CXADR: variants seen among roughly 807,000 people sequenced by gnomAD.
CXADR encodes CXADR cell adhesion molecule.
Under a neutral mutation model 40.3 loss-of-function variants are expected in CXADR, and 20 were observed. The observed-to-expected ratio is 0.50, with a 90% confidence interval of 0.35 to 0.72. The LOEUF (loss-of-function observed/expected upper bound fraction) is 0.72, where lower values mean the gene tolerates loss of function less well. Among genes scored for constraint, CXADR ranks in the 30% least tolerant of loss-of-function variants. The pLI is 0.01. For synonymous variants in CXADR, 150 were observed against 161.3 expected, an observed-to-expected ratio of 0.93 and a Z score of 0.53; for missense variants, 332 against 449.1, an observed-to-expected ratio of 0.74 and a Z score of 2.36.
intron 1 of CXADR, among the ~76,000 whole-genome samples, chr21:17,546,537 A>C (rs546397675): frequency 7.2e-5 from 11 of 152,278 alleles, no homozygotes; most frequent in Admixed American, 5.9e-4. Context: ...GGTGCTGCAC[A>C]CTTTTAAACA....
In CXADR at chr21:17,567,500, G is replaced by C; in HGVS notation, c.*1808G>C. 1 of 985,340 alleles carries C rather than the reference G, an allele frequency of 1.0e-6. No individual in the cohort carries two copies. The highest frequency in any genetic ancestry group is 1.2e-6 in the Non-Finnish European group (1 of 829,914). The allele number at this position is 985,340 out of a possible 1,614,324, so 61.0% of individuals were successfully genotyped here. On this transcript the variant is annotated 3_prime_UTR_variant, in exon 7 of 7. Transcript: ENST00000284878. ...AAAGGTGCTTAGAGGTGAAGGTACT[G>C]TTTCTAAAAACACATCACTGTGATA...
At chr21:17,513,260 G>T in intron 1 of CXADR, 88 bp downstream of exon 1, 1 of 1,246,872 alleles carries the variant, frequency 8.0e-7, no homozygotes, top group Non-Finnish European at 1.0e-6. Context: ...GGGCGTGGGG[G>T]AGGGGGCGGG....
At chr21:17,595,887 T>G (rs1427487353), downstream of CXADR, among the ~76,000 whole-genome samples, 2 of 152,024 alleles carry the variant, frequency 1.3e-5, no homozygotes, top group Admixed American at 6.6e-5. Context: ...GGTACTATTT[T>G]ACATGACTAG....
At chr21:17,609,049 C>A in the CXADR span, 2 of 1,613,944 alleles carry the variant, frequency 1.2e-6, no homozygotes, top group African/African-American at 2.7e-5. Flanking sequence ...GGGTCAATTT[C>A]TCAGCAAACC....
chr21:17,573,004 G>C (rs527279465), downstream of CXADR, among the ~76,000 whole-genome samples: 1 of 152,262 alleles, frequency 6.6e-6, no homozygotes, highest in Admixed American at 6.5e-5. Context: ...GCTACAAATT[G>C]CTTGAAGAAC....
chr21:17,603,995 G>T, the CXADR span: 2 of 497,552 alleles, frequency 4.0e-6, no homozygotes, highest in Non-Finnish European at 5.7e-6. Context: ...AACTGAGAGT[G>T]CCTGGTCCAC....
chr21:17,579,595 T>C (rs1283342126), intron 7 of CXADR, among the ~76,000 whole-genome samples: 1 of 152,100 alleles, frequency 6.6e-6, no homozygotes. Context: ...GTCTCACTTT[T>C]CTTTATGATG....
chr21:17,557,789 C>T (rs2061055029), intron 3 of CXADR, among the ~76,000 whole-genome samples: 1 of 152,174 alleles, frequency 6.6e-6, no homozygotes, highest in Non-Finnish European at 1.5e-5. Context: ...TGATCAGTGG[C>T]TTCCTGGGTC....
chr21:17,551,513 G>C (rs2060968172), intron 2 of CXADR, among the ~76,000 whole-genome samples: 1 of 152,122 alleles, frequency 6.6e-6, no homozygotes, highest in African/African-American at 2.4e-5. Context: ...GTTGCGTCTT[G>C]GTTTCCCCAT....
chr21:17,517,331 C>A (rs535727899), intron 1 of CXADR, among the ~76,000 whole-genome samples: 188 of 152,226 alleles, frequency 1.2e-3, no homozygotes, highest in Middle Eastern at 0.01. Context: ...AGTGCTCCCC[C>A]CAAAGCATTA....
chr21:17,620,812 T>A, the CXADR span, among the ~76,000 whole-genome samples: 1 of 152,150 alleles, frequency 6.6e-6, no homozygotes, highest in South Asian at 2.1e-4. Flanking sequence ...AAATAAATAA[T>A]TTTAAAAGAA....
chr21:17,636,139 T>C, the CXADR span, among the ~76,000 whole-genome samples: 16 of 152,240 alleles, frequency 1.1e-4, no homozygotes, highest in Admixed American at 1.0e-3. Context: ...ATTGACTTTG[T>C]ACCCTGCCAC....
the CXADR span, among the ~76,000 whole-genome samples, chr21:17,625,383 C>G: frequency 6.6e-6 from 1 of 151,934 alleles, no homozygotes; most frequent in African/African-American, 2.4e-5. Flanking sequence ...TCTAATGTTG[C>G]CAACACAAAG....
intron 2 of CXADR, among the ~76,000 whole-genome samples, chr21:17,548,007 T>C (rs2060920615): frequency 1.3e-5 from 2 of 152,206 alleles, no homozygotes; most frequent in Non-Finnish European, 2.9e-5. Context: ...TCAATGGTTC[T>C]AGAATACTTT....
At chr21:17,554,945 C>T (rs1471479296) in intron 3 of CXADR, among the ~76,000 whole-genome samples, 1 of 152,128 alleles carries the variant, frequency 6.6e-6, no homozygotes, top group Non-Finnish European at 1.5e-5. Flanking sequence ...GGCCGTTAAC[C>T]CACAGAGATG....
chr21:17,558,564 G>T (rs1034291268), intron 3 of CXADR, among the ~76,000 whole-genome samples: 1 of 152,150 alleles, frequency 6.6e-6, no homozygotes, highest in African/African-American at 2.4e-5. Context: ...CGCCTAGAGG[G>T]ATGTGACTTG....
In CXADR at chr21:17,568,745, A is replaced by T; in HGVS notation, c.*3053A>T. The T allele has an allele frequency of 1.0e-6, 1 of 984,996 alleles. No individual in the cohort carries two copies. 61.0% of individuals were successfully genotyped at this position (984,996 alleles called of 1,614,324 possible). A position where few individuals can be genotyped will look rare whatever the true frequency, so the allele number is the denominator to read the frequency against. Reference sequence around the variant, plus strand: ...ACAGCTATTTTTTTTTCTTACTGGTAATCTTAACTAATATGATTCCCTTGT... The same window carrying T: ...ACAGCTATTTTTTTTTCTTACTGGTTATCTTAACTAATATGATTCCCTTGT... On this transcript the variant is annotated 3_prime_UTR_variant, in exon 7 of 7. Transcript: ENST00000284878.
chr21:17,632,735 G>A, the CXADR span, among the ~76,000 whole-genome samples: 1 of 152,122 alleles, frequency 6.6e-6, no homozygotes, highest in South Asian at 2.1e-4. Context: ...CGGGCGTGGG[G>A]GCAGGCGCCT....
chr21:17,521,131 A>G (rs9980112), intron 1 of CXADR, among the ~76,000 whole-genome samples: 4,346 of 152,194 alleles, frequency 0.029, 217 homozygotes, highest in African/African-American at 0.096. Context: ...ACTTCTAATA[A>G]GTACATGAGG....
Sources: allele counts gnomAD v4.1 joint callset (sites outside exome capture counted in the v4.1 genomes callset), GRCh38; gene constraint gnomAD v4.1.1; transcripts MANE v1.5; gene names NCBI Gene and HGNC (gene_info 2026-07-23, HGNC 2026-07-21).